Variants in TPTE observed in about 807,000 individuals in gnomAD.
TPTE encodes the protein putative tyrosine-protein phosphatase TPTE.
In TPTE, 59 loss-of-function variants were observed where a neutral mutation model predicts 84.1. That is an observed-to-expected ratio of 0.70 (90% CI 0.57 to 0.87). The LOEUF (loss-of-function observed/expected upper bound fraction) is 0.87, where lower values mean the gene tolerates loss of function less well. Among genes scored for constraint, TPTE ranks in the 40% least tolerant of loss-of-function variants. TPTE has a pLI of 0.00. For synonymous variants in TPTE, 130 were observed against 223.5 expected, an observed-to-expected ratio of 0.58 and a Z score of 3.73; for missense variants, 382 against 659.6, an observed-to-expected ratio of 0.58 and a Z score of 4.61.
chr21:10,546,533 G>T (rs1192397283), intron 7 of TPTE, among the ~76,000 whole-genome samples: 3 of 152,304 alleles, frequency 2.0e-5, no homozygotes, highest in Non-Finnish European at 4.4e-5. Flanking sequence ...CACCACTTCA[G>T]CCAAGTTGTG....
At chr21:10,549,460 A>T (rs961457452) in intron 7 of TPTE, among the ~76,000 whole-genome samples, 8 of 152,312 alleles carry the variant, frequency 5.3e-5, no homozygotes, top group Non-Finnish European at 1.2e-4. Flanking sequence ...AAGTCAATGA[A>T]ATCAGGTGAA....
At chr21:10,596,597 T>G (rs1232373930) in intron 20 of TPTE, among the ~76,000 whole-genome samples, 2 of 152,306 alleles carry the variant, frequency 1.3e-5, no homozygotes, top group African/African-American at 4.8e-5. Context: ...CACTCCCAGC[T>G]TACACTCAGG....
chr21:10,585,516 G>A (rs370731514), intron 17 of TPTE, among the ~76,000 whole-genome samples: 15 of 152,394 alleles, frequency 9.8e-5, no homozygotes, highest in East Asian at 3.9e-4. Flanking sequence ...GATTCTGTCC[G>A]TTAATATTTT....
intron 3 of TPTE, among the ~76,000 whole-genome samples, chr21:10,535,838 C>G (rs2074256995): frequency 6.6e-6 from 1 of 152,310 alleles, no homozygotes; most frequent in Admixed American, 6.5e-5. Flanking sequence ...GTTCCTGACT[C>G]AGGCCTACAG....
Position 10,521,677 on chromosome 21 carries a change from C to G in TPTE, c.-228C>G, listed in dbSNP as rs115356732. 6.5e-6 allele frequency: 1 copy of G among 154,032 alleles called. No homozygotes were observed. The highest frequency in any genetic ancestry group is 1.4e-5 in the Non-Finnish European group (1 of 69,600). 9.5% of individuals were successfully genotyped at this position (154,032 alleles called of 1,614,324 possible). A position where few individuals can be genotyped will look rare whatever the true frequency, so the allele number is the denominator to read the frequency against. ...GCTCTAGGGACCCCCGGCGCCTACA[C>G]TTAGCTCCGCGCCCGAGGTGAGCCC... On this transcript the variant is annotated 5_prime_UTR_variant, in exon 1 of 24. Coordinates refer to ENST00000618007, the MANE Select transcript of TPTE (RefSeq NM_199261.4).
chr21:10,547,672 G>T (rs1224380565), intron 7 of TPTE, among the ~76,000 whole-genome samples: 1 of 152,310 alleles, frequency 6.6e-6, no homozygotes, highest in African/African-American at 2.4e-5. Flanking sequence ...TCCTCTGGGG[G>T]CCAGTAGCCA....
At chr21:10,533,000 T>C (rs2074205620) in intron 3 of TPTE, among the ~76,000 whole-genome samples, 1 of 152,310 alleles carries the variant, frequency 6.6e-6, no homozygotes, top group African/African-American at 2.4e-5. Context: ...TTCTTCTTTC[T>C]TGAATTTTGG....
chr21:10,588,308 C>T (rs1457345718), intron 17 of TPTE, among the ~76,000 whole-genome samples: 1 of 152,306 alleles, frequency 6.6e-6, no homozygotes, highest in African/African-American at 2.4e-5. Context: ...ATTTGGTTTG[C>T]ATATGCTGAA....
intron 7 of TPTE, among the ~76,000 whole-genome samples, chr21:10,550,224 T>G (rs1028141729): frequency 4.6e-5 from 7 of 152,296 alleles, no homozygotes; most frequent in Admixed American, 3.9e-4. Flanking sequence ...ATGCAAAACC[T>G]CCTCACCTAC....
chr21:10,566,997 ACT>A (rs2074934773), intron 10 of TPTE, among the ~76,000 whole-genome samples: 1 of 150,476 alleles, frequency 6.6e-6, no homozygotes, highest in African/African-American at 2.5e-5. Context: ...AAAAAAAAAT[ACT>A]GTCATTTGGA....
intron 21 of TPTE, among the ~76,000 whole-genome samples, chr21:10,601,517 A>T (rs1355720578): frequency 6.6e-6 from 1 of 150,404 alleles, no homozygotes; most frequent in Non-Finnish European, 1.5e-5. Flanking sequence ...AAAAGAAAAG[A>T]AAAGTGGTTC....
chr21:10,523,555 G>GT (rs545148318), intron 1 of TPTE, among the ~76,000 whole-genome samples: 577 of 151,944 alleles, frequency 3.8e-3, no homozygotes, highest in African/African-American at 0.013. Context: ...GCAGTGTTTG[G>GT]TTTTTTGTTC....
chr21:10,522,824 G>A (rs2074007512), intron 1 of TPTE, among the ~76,000 whole-genome samples: 1 of 152,306 alleles, frequency 6.6e-6, no homozygotes, highest in Non-Finnish European at 1.5e-5. Flanking sequence ...TCAAATCATG[G>A]TAATTAGCAT....
At chr21:10,545,442 C>T (rs2074448058) in intron 7 of TPTE, among the ~76,000 whole-genome samples, 1 of 152,306 alleles carries the variant, frequency 6.6e-6, no homozygotes, top group African/African-American at 2.4e-5. Context: ...TACATAATTT[C>T]AACCAGAAAA....
chr21:10,536,826 A>G (rs2074275279), intron 3 of TPTE, among the ~76,000 whole-genome samples: 1 of 152,306 alleles, frequency 6.6e-6, no homozygotes, highest in South Asian at 2.1e-4. Context: ...ATACTTAGGA[A>G]AGTCAGATTT....
intron 19 of TPTE, among the ~76,000 whole-genome samples, chr21:10,593,081 A>G (rs1373104018): frequency 6.6e-6 from 1 of 152,308 alleles, no homozygotes; most frequent in African/African-American, 2.4e-5. Context: ...TAGTCATCAC[A>G]TTGCTGCAAC....
intron 10 of TPTE, among the ~76,000 whole-genome samples, chr21:10,566,405 A>G (rs1490705349): frequency 6.6e-6 from 1 of 152,310 alleles, no homozygotes; most frequent in East Asian, 1.9e-4. Context: ...TACACTGTTC[A>G]TGGAAATGTA....
intron 7 of TPTE, among the ~76,000 whole-genome samples, chr21:10,549,152 C>A (rs1167658360): frequency 1.3e-5 from 2 of 152,310 alleles, no homozygotes; most frequent in Non-Finnish European, 2.9e-5. Flanking sequence ...GGAGACTACA[C>A]TTACTGCATC....
At chr21:10,543,155 G>T (rs1344927034) in intron 6 of TPTE, among the ~76,000 whole-genome samples, 174 bp from the exon 7 acceptor site, 1 of 137,800 alleles carries the variant, frequency 7.3e-6, no homozygotes, top group Non-Finnish European at 1.5e-5. Flanking sequence ...TCAGCCTCCC[G>T]AGTAGCTGGG....
Sources: allele counts gnomAD v4.1 joint callset (sites outside exome capture counted in the v4.1 genomes callset), GRCh38; gene constraint gnomAD v4.1.1; transcripts MANE v1.5; gene names NCBI Gene and HGNC (gene_info 2026-07-23, HGNC 2026-07-21).